The following DENND1A variants were observed in gnomAD, a reference collection of about 807,000 sequenced individuals.
DENND1A encodes the protein DENN domain containing 1A.
A neutral mutation model predicts 113.7 loss-of-function variants in DENND1A; 51 were observed. The ratio of observed to expected loss-of-function variants is 0.45; its 90% CI spans 0.36 to 0.57. The LOEUF (loss-of-function observed/expected upper bound fraction) is 0.57. Ranked by LOEUF, DENND1A falls within the 20% of genes least tolerant of loss-of-function variation. The pLI, the probability that DENND1A is intolerant of heterozygous loss-of-function variation, is 0.00. For missense variants in DENND1A, 1,258 were observed against 1,395.9 expected (o/e 0.90, Z 1.57); for synonymous variants, 565 against 570.8 (o/e 0.99, Z 0.14).
chr9:123,920,709 G>A (rs1442005752), intron 1 of DENND1A, among the ~76,000 whole-genome samples: 3 of 151,354 alleles, frequency 2.0e-5, no homozygotes, highest in African/African-American at 4.9e-5. Context: ...ACAGGCATGC[G>A]CCACCATGCC....
intron 1 of DENND1A, among the ~76,000 whole-genome samples, chr9:123,896,857 A>G (rs1235354459): frequency 6.6e-6 from 1 of 152,236 alleles, no homozygotes; most frequent in Non-Finnish European, 1.5e-5. Flanking sequence ...TACACAAGAT[A>G]AACGCAGAAG....
chr9:123,870,738 C>T (rs539589704), intron 2 of DENND1A, among the ~76,000 whole-genome samples: 17 of 152,118 alleles, frequency 1.1e-4, no homozygotes, highest in African/African-American at 3.6e-4. Flanking sequence ...GCTGGCCTCA[C>T]CAGCTATTTT....
At chr9:123,923,454 G>C (rs1347711012) in intron 1 of DENND1A, among the ~76,000 whole-genome samples, 1 of 152,186 alleles carries the variant, frequency 6.6e-6, no homozygotes, top group Non-Finnish European at 1.5e-5. Flanking sequence ...AGGCATTAGA[G>C]GAAGAAGGCC....
chr9:123,495,400 G>T (rs2051823168), intron 13 of DENND1A, among the ~76,000 whole-genome samples: 1 of 152,112 alleles, frequency 6.6e-6, no homozygotes, highest in Non-Finnish European at 1.5e-5. Context: ...ACATTCAAAT[G>T]GCCCATGTGG....
At chr9:123,807,384 G>A (rs1460055212) in intron 2 of DENND1A, among the ~76,000 whole-genome samples, 2 of 152,152 alleles carry the variant, frequency 1.3e-5, no homozygotes, top group African/African-American at 2.4e-5. Context: ...ACATTTGACT[G>A]GTCTCCTCCC....
chr9:123,900,872 G>A (rs1851508459), intron 1 of DENND1A, among the ~76,000 whole-genome samples: 2 of 152,054 alleles, frequency 1.3e-5, no homozygotes, highest in Non-Finnish European at 2.9e-5. Flanking sequence ...TGTAAAATGG[G>A]GATCTAACAG....
intron 13 of DENND1A, among the ~76,000 whole-genome samples, chr9:123,555,979 A>C (rs1019895922): frequency 1.3e-5 from 2 of 152,158 alleles, no homozygotes; most frequent in Non-Finnish European, 1.5e-5. Context: ...CCCATTTTAA[A>C]GGGGGGAAGA....
intron 2 of DENND1A, among the ~76,000 whole-genome samples, chr9:123,840,209 G>A (rs1024814644): frequency 2.0e-5 from 3 of 150,758 alleles, no homozygotes; most frequent in Admixed American, 6.6e-5. Flanking sequence ...CATAAATGGT[G>A]TAATTTGCCC....
At chr9:123,382,960 C>A (rs766806968) in intron 23 of DENND1A, among the ~76,000 whole-genome samples, 1 of 152,224 alleles carries the variant, frequency 6.6e-6, no homozygotes, top group African/African-American at 2.4e-5. Context: ...CCTGTAAGCC[C>A]GGGGGCGCGA....
chr9:123,712,572 G>A (rs893938126), intron 5 of DENND1A, among the ~76,000 whole-genome samples: 2 of 152,196 alleles, frequency 1.3e-5, no homozygotes, highest in Non-Finnish European at 2.9e-5. Flanking sequence ...CATGCCATAA[G>A]CATTAGTTGT....
At chr9:123,892,923 G>C (rs371217230) in intron 1 of DENND1A, among the ~76,000 whole-genome samples, 1 of 151,996 alleles carries the variant, frequency 6.6e-6, no homozygotes, top group Non-Finnish European at 1.5e-5. Context: ...CAGGGGTTGC[G>C]GGGAGCCGAG....
Position 123,382,154 on chromosome 9 carries a change from G to T in DENND1A, c.2491C>A (p.Pro831Thr). The change falls in exon 24 of 24, where the codon CCT (proline) becomes ACT (threonine). Residue 831 changes from proline to threonine, a missense_variant. Pro to Thr is a conservative substitution (Grantham distance 38). Around this residue, in one of 2 missense-constraint regions of DENND1A, gnomAD observed 1,159 missense variants for 1,231.7 expected, o/e 0.94. Transcript: ENST00000394215. ...GPTELLQPLS[P>T]GPGAAGTSSD... is the part of the protein sequence containing the mutation. ...CTCGTGCCTGCAGCCCCGGGGCCAG[G>T]GCTGAGCGGCTGGAGCAGTTCAGTG... is the stretch of plus-strand genomic sequence containing the variant. 2 of 1,606,052 alleles carry T rather than the reference G, an allele frequency of 1.2e-6. No individual in the cohort carries two copies. Among genetic ancestry groups the T allele is most frequent in the South Asian group, 1.1e-5 (1 of 90,170 alleles).
At chr9:123,660,505 G>C (rs2063178961) in intron 8 of DENND1A, among the ~76,000 whole-genome samples, 1 of 151,332 alleles carries the variant, frequency 6.6e-6, no homozygotes, top group South Asian at 2.1e-4. Flanking sequence ...AATTAGAAAT[G>C]ATCAGAATTT....
At chr9:123,868,325 T>G (rs1480484577) in intron 2 of DENND1A, among the ~76,000 whole-genome samples, 3 of 152,210 alleles carry the variant, frequency 2.0e-5, no homozygotes, top group Non-Finnish European at 4.4e-5. Context: ...TCTAGTTACT[T>G]TTACTTTCTG....
At chr9:123,674,128 T>C (rs2063900183) in intron 6 of DENND1A, among the ~76,000 whole-genome samples, 1 of 152,170 alleles carries the variant, frequency 6.6e-6, no homozygotes, top group East Asian at 1.9e-4. Flanking sequence ...ATAAACATCC[T>C]TCTCTCCCTC....
chr9:123,918,489 G>A (rs1368088453), intron 1 of DENND1A, among the ~76,000 whole-genome samples: 17 of 138,246 alleles, frequency 1.2e-4, no homozygotes, highest in East Asian at 2.1e-4. Context: ...CTCCGTCTCA[G>A]AAAAAAAAAA....
intron 1 of DENND1A, among the ~76,000 whole-genome samples, chr9:123,906,729 CAA>C (rs1852918035): frequency 1.8e-5 from 1 of 55,748 alleles, no homozygotes; most frequent in Non-Finnish European, 3.4e-5. Flanking sequence ...GTTTACCAAC[CAA>C]AAAGAGTCCA....
At chr9:123,557,180 A>G (rs2057467303) in intron 13 of DENND1A, among the ~76,000 whole-genome samples, 1 of 152,148 alleles carries the variant, frequency 6.6e-6, no homozygotes, top group African/African-American at 2.4e-5. Flanking sequence ...TTTCCGGGCT[A>G]AGTTGTTTCT....
intron 9 of DENND1A, among the ~76,000 whole-genome samples, chr9:123,648,387 T>C (rs1324360250): frequency 6.6e-6 from 1 of 152,252 alleles, no homozygotes; most frequent in Non-Finnish European, 1.5e-5. Context: ...ATAATCACTG[T>C]AGTTTTAATG....
Sources: allele counts gnomAD v4.1 joint callset (sites outside exome capture counted in the v4.1 genomes callset), GRCh38; gene constraint gnomAD v4.1.1; regional missense constraint gnomAD v4.1.1; transcripts MANE v1.5; gene names NCBI Gene and HGNC (gene_info 2026-07-23, HGNC 2026-07-21).